The following VRK2 variants were observed in gnomAD, a reference collection of about 807,000 sequenced individuals.
VRK2 encodes serine/threonine-protein kinase VRK2.
Under a neutral mutation model 57.6 loss-of-function variants are expected in VRK2, and 60 were observed. The ratio of observed to expected loss-of-function variants is 1.04; its 90% confidence interval spans 0.85 to 1.29. The LOEUF (loss-of-function observed/expected upper bound fraction) is 1.29. Among genes scored for constraint, VRK2 ranks in the 50% most tolerant of loss-of-function variants. VRK2 has a pLI of 0.00. For synonymous variants in VRK2, 231 were observed against 199.2 expected, an observed-to-expected ratio of 1.16 and a Z score of -1.35; for missense variants, 705 against 588.1, an observed-to-expected ratio of 1.20 and a Z score of -2.06.
intron 1 of VRK2, among the ~76,000 whole-genome samples, chr2:58,004,264 G>A (rs1673178096): frequency 1.3e-5 from 2 of 151,958 alleles, no homozygotes; most frequent in African/African-American, 4.8e-5. Context: ...TTCCTACCAA[G>A]GTAGTTCTTG....
intron 7 of VRK2, among the ~76,000 whole-genome samples, chr2:58,104,020 G>A (rs1674392928): frequency 6.6e-6 from 1 of 151,678 alleles, no homozygotes; most frequent in Non-Finnish European, 1.5e-5. Context: ...ATAAAATTCA[G>A]CATCTCTTCA....
At position 57,961,392 on chromosome 2, in the gene VRK2, C is replaced by T. The variant is rs376907239; in HGVS notation, c.-439+53553C>T. Among the ~76,000 whole-genome samples the T allele has an allele frequency of 3.8e-4, 58 of 152,048 alleles. No individual in the cohort carries two copies. The East Asian group carries it at 9.5e-3, about 25-fold the overall frequency. On this transcript the variant is annotated intron_variant, in intron 1 of 15. Transcript: ENST00000417641. Reference sequence around the variant, plus strand: ...AAGAGAACTTTGTGATTGAAAAAAGCGAGAACAGGATGATGAGACAAGACA... The same window carrying T: ...AAGAGAACTTTGTGATTGAAAAAAGTGAGAACAGGATGATGAGACAAGACA...
chr2:57,935,713 G>T (rs896676154), intron 1 of VRK2, among the ~76,000 whole-genome samples: 3 of 152,074 alleles, frequency 2.0e-5, no homozygotes, highest in African/African-American at 7.2e-5. Context: ...TCTGGGTGAG[G>T]TAATAAAAAA....
At chr2:58,131,319 C>T (rs947518049) in intron 8 of VRK2, among the ~76,000 whole-genome samples, 2 of 150,412 alleles carry the variant, frequency 1.3e-5, no homozygotes, top group Non-Finnish European at 3.0e-5. Context: ...ATTCTTCCAA[C>T]TTCAAATGCT....
chr2:58,071,941 A>C (rs1204787499), intron 2 of VRK2, among the ~76,000 whole-genome samples: 1 of 151,940 alleles, frequency 6.6e-6, no homozygotes, highest in Non-Finnish European at 1.5e-5. Context: ...TATCATGATG[A>C]AGATTTTCTT....
chr2:58,105,367 A>G (rs926252597), intron 7 of VRK2, among the ~76,000 whole-genome samples: 2 of 151,858 alleles, frequency 1.3e-5, no homozygotes, highest in African/African-American at 2.4e-5. Context: ...AAATAACCCC[A>G]TTAAAAGATG....
At chr2:58,158,918 C>G (rs1036593251) in intron 12 of VRK2, among the ~76,000 whole-genome samples, 3 of 152,074 alleles carry the variant, frequency 2.0e-5, no homozygotes, top group Non-Finnish European at 4.4e-5. Context: ...GCCCACTGTA[C>G]AGTGGACACT....
chr2:58,113,805 T>A (rs1449204119), intron 7 of VRK2, among the ~76,000 whole-genome samples: 1 of 151,942 alleles, frequency 6.6e-6, no homozygotes, highest in African/African-American at 2.4e-5. Flanking sequence ...CATCTGGGCG[T>A]ATACCTGCAA....
chr2:58,136,874 ATAT>A (rs1239440526), intron 10 of VRK2, among the ~76,000 whole-genome samples: 101 of 118,028 alleles, frequency 8.6e-4, no homozygotes, highest in African/African-American at 3.3e-3. Flanking sequence ...TATATATCAT[ATAT>A]TATATCATAT....
intron 1 of VRK2, among the ~76,000 whole-genome samples, chr2:57,957,144 T>C (rs897774671): frequency 2.0e-5 from 3 of 152,174 alleles, no homozygotes; most frequent in East Asian, 3.9e-4. Flanking sequence ...CTTTTGATGA[T>C]AGTCTTTTAT....
intron 1 of VRK2, among the ~76,000 whole-genome samples, chr2:57,947,580 T>C (rs757730239): frequency 5.3e-5 from 8 of 152,180 alleles, no homozygotes; most frequent in African/African-American, 1.2e-4. Flanking sequence ...ACCCAGAGGG[T>C]ACTGTAAACA....
At chr2:58,133,072 G>A (rs1679447588) in intron 9 of VRK2, among the ~76,000 whole-genome samples, 1 of 152,028 alleles carries the variant, frequency 6.6e-6, no homozygotes, top group African/African-American at 2.4e-5. Flanking sequence ...CTGTAATAAA[G>A]TAATGATGCT....
At chr2:58,078,709 C>G (rs1331866580) in intron 2 of VRK2, among the ~76,000 whole-genome samples, 4 of 151,946 alleles carry the variant, frequency 2.6e-5, no homozygotes, top group Non-Finnish European at 5.9e-5. Flanking sequence ...AGTAGCCATC[C>G]TAATGGATAG....
intron 1 of VRK2, among the ~76,000 whole-genome samples, chr2:57,943,941 T>C (rs890376290): frequency 1.2e-4 from 18 of 152,198 alleles, no homozygotes; most frequent in African/African-American, 3.6e-4. Context: ...ACAGCAGCCA[T>C]AGACAATTCG....
chr2:58,108,072 G>A (rs1004909650), intron 7 of VRK2, among the ~76,000 whole-genome samples: 1 of 152,064 alleles, frequency 6.6e-6, no homozygotes, highest in Non-Finnish European at 1.5e-5. Flanking sequence ...TTGGATTAGG[G>A]TGTTAGTCAC....
intron 1 of VRK2, among the ~76,000 whole-genome samples, chr2:58,024,079 G>C (rs898360469): frequency 6.6e-6 from 1 of 150,662 alleles, no homozygotes; most frequent in Non-Finnish European, 1.5e-5. Context: ...TCCGCCTCCC[G>C]GGTTCACGTC....
chr2:58,096,868 T>C (rs1673218733), intron 7 of VRK2, among the ~76,000 whole-genome samples: 1 of 151,996 alleles, frequency 6.6e-6, no homozygotes, highest in Admixed American at 6.5e-5. Flanking sequence ...TTGATTTTGA[T>C]ATGTAATGTT....
At chr2:58,048,362 C>T (rs1370642395) in intron 1 of VRK2, among the ~76,000 whole-genome samples, 1 of 152,142 alleles carries the variant, frequency 6.6e-6, no homozygotes, top group Non-Finnish European at 1.5e-5. Flanking sequence ...GTGAGATGTC[C>T]ATTGCCATTG....
chr2:58,014,910 A>C (rs1673529307), intron 1 of VRK2, among the ~76,000 whole-genome samples: 1 of 152,138 alleles, frequency 6.6e-6, no homozygotes, highest in Non-Finnish European at 1.5e-5. Flanking sequence ...ACCCAAGTGG[A>C]AACTCTGCTT....
Sources: gnomAD v4.1 joint callset for allele counts (sites outside exome capture counted in the v4.1 genomes callset) on GRCh38, gnomAD v4.1.1 for gene constraint, MANE v1.5 for transcripts, NCBI Gene and HGNC (gene_info 2026-07-23, HGNC 2026-07-21) for gene names.